The following IL18BP variants were observed in gnomAD, a reference collection of about 807,000 sequenced individuals.
IL18BP encodes interleukin 18 binding protein.
Under a neutral mutation model 19.9 loss-of-function variants are expected in IL18BP, and 23 were observed. That is an observed-to-expected ratio of 1.15 (90% CI 0.83 to 1.64). The LOEUF is 1.64. IL18BP is among the 40% of genes most tolerant of loss of function. IL18BP has a pLI of 0.00. For missense variants in IL18BP, 239 were observed against 240.7 expected, an observed-to-expected ratio of 0.99 and a Z score of 0.05; for synonymous variants, 107 against 101.0, an observed-to-expected ratio of 1.06 and a Z score of -0.35.
chr11:72,005,512 A>T, downstream of IL18BP: 1 of 720,062 alleles, frequency 1.4e-6, no homozygotes, highest in Non-Finnish European at 2.3e-6. Flanking sequence ...CCGCAGGTGC[A>T]GGAGTACGGC....
Position 72,002,461 on chromosome 11 carries a change from CTGCTT to C in IL18BP, c.*601_*605del. 1 of 154,590 alleles carries C rather than the reference CTGCTT, an allele frequency of 6.5e-6. No individual in the cohort carries two copies. Among genetic ancestry groups the C allele is most frequent in the Admixed American group, 6.4e-5 (1 of 15,704 alleles). The allele number at this position is 154,590 out of a possible 1,614,324, so 9.6% of individuals were successfully genotyped here. A position where few individuals can be genotyped will look rare whatever the true frequency, so the allele number is the denominator to read the frequency against. ...TCCAGGGAAGGGATGGGGGCAGCAG[CTGCTT>C]CGGATCCACACTGTATCTGTGTCAT... On this transcript the variant is annotated 3_prime_UTR_variant, in exon 6 of 6. Transcript: ENST00000393703.
At chr11:72,007,824 G>A (rs1329796729), downstream of IL18BP, 5 of 352,628 alleles carry the variant, frequency 1.4e-5, no homozygotes, top group South Asian at 2.4e-5. Flanking sequence ...ATCCAATGTC[G>A]TCCTGCTTGG....
At chr11:72,004,062 T>C (rs1955482735), downstream of IL18BP, 3 of 1,613,534 alleles carry the variant, frequency 1.9e-6, no homozygotes, top group East Asian at 2.2e-5. Context: ...CTTGGGTGTG[T>C]TGAGGATGCT....
chr11:72,000,149 G>A, intron 2 of IL18BP, 137 bp downstream of exon 2: 1 of 984,256 alleles, frequency 1.0e-6, no homozygotes, highest in Non-Finnish European at 1.6e-6. Context: ...AAGAACCTGG[G>A]CAGATATTGT....
At chr11:72,006,434 C>T (rs938954694), downstream of IL18BP, among the ~76,000 whole-genome samples, 19 of 152,208 alleles carry the variant, frequency 1.2e-4, no homozygotes, top group African/African-American at 4.6e-4. Context: ...GACAGAAGCC[C>T]TCACAAGGTG....
downstream of IL18BP, chr11:72,007,410 C>A (rs1366155202): frequency 6.2e-7 from 1 of 1,613,686 alleles, no homozygotes; most frequent in East Asian, 2.2e-5. Flanking sequence ...ACGCTGGTGC[C>A]GTCTGGCTGG....
downstream of IL18BP, chr11:72,006,213 C>T (rs1955680535): frequency 2.5e-6 from 4 of 1,614,158 alleles, no homozygotes; most frequent in Non-Finnish European, 3.4e-6. Context: ...GAGCAGACCG[C>T]GTGCTGTAGA....
downstream of IL18BP, chr11:72,007,151 G>T (rs760309329): frequency 2.5e-6 from 4 of 1,598,346 alleles, no homozygotes; most frequent in South Asian, 3.3e-5. Context: ...GAGGAAGTGG[G>T]AATTGCTGCC....
chr11:72,004,770 C>A, downstream of IL18BP: 1 of 1,600,048 alleles, frequency 6.2e-7, no homozygotes, highest in South Asian at 1.1e-5. Flanking sequence ...TTGGGGGTCT[C>A]CAGTTTTCAT....
Position 72,000,020 on chromosome 11 carries a change from T to G in IL18BP, c.28+8T>G. On this transcript the variant is annotated splice_region_variant and intron_variant, in intron 2 of 5. Coordinates refer to ENST00000393703, the MANE Select transcript of IL18BP (RefSeq NM_001039660.2). ...GACACAACTGGACACCAGGTAGGCC[T>G]TGGGGCTACGCATGGGCAGGCGGGG... 6.2e-7 allele frequency: 1 copy of G among 1,613,740 alleles called. No homozygotes were observed. The highest frequency in any genetic ancestry group is 1.1e-5 in the South Asian group (1 of 91,062).
downstream of IL18BP, chr11:72,007,052 AAGACCTCTC>A: frequency 6.7e-6 from 7 of 1,046,818 alleles, no homozygotes; most frequent in Non-Finnish European, 9.6e-6. Context: ...TGCCCTTTTT[AAGACCTCTC>A]AGCTTTCCCA....
Position 72,001,255 on chromosome 11 carries a change from TC to T in IL18BP, c.292del (p.Leu98SerfsTer42). 6.2e-7 allele frequency: 1 copy of T among 1,614,180 alleles called. No individual in the cohort carries two copies. On this transcript the variant is annotated frameshift_variant, in exon 4 of 6. Coordinates refer to ENST00000393703, the MANE Select transcript of IL18BP (RefSeq NM_001039660.2). LOFTEE classifies it high-confidence loss of function. ...VACSRFPNFS[I>X]LYWLGNGSFI... ...TGCAGCCGCTTCCCCAACTTCAGCA[TC>T]CTCTACTGGCTGGGCAATGGTTCCT...
rs1210589415 is a variant in IL18BP, at chr11:72,001,913, A to G, written c.*52A>G. ...CAACCTTGACCAGAGCTTGGGTCCT[A>G]CCTGTCTACCTGGAGTGAACAGTCC... On this transcript the variant is annotated 3_prime_UTR_variant, in exon 6 of 6. Transcript: ENST00000393703. 1 of 1,610,176 alleles carries G rather than the reference A, an allele frequency of 6.2e-7. No homozygotes were observed. Among genetic ancestry groups the G allele is most frequent in the Non-Finnish European group, 8.5e-7 (1 of 1,178,096 alleles).
downstream of IL18BP, chr11:72,002,841 C>G (rs142149472): frequency 1.8e-3 from 365 of 204,076 alleles, 3 homozygotes; most frequent in East Asian, 5.5e-3. Flanking sequence ...CTTTTTCCCA[C>G]ACCGATCAAG....
intron 1 of IL18BP, 187 bp downstream of exon 1, chr11:71,999,206 G>T: frequency 2.0e-6 from 1 of 497,974 alleles, no homozygotes; most frequent in Non-Finnish European, 4.0e-6. Flanking sequence ...AGCCTGAAGT[G>T]GTCCAACTTG....
intron 3 of IL18BP, 134 bp downstream of exon 3, chr11:72,000,691 C>T: frequency 1.4e-6 from 1 of 707,830 alleles, no homozygotes. Context: ...ACCATTCTCC[C>T]TCCCCAACCC....
chr11:72,001,709 G>A (rs1190678765), intron 5 of IL18BP, 75 bp from the exon 6 acceptor site: 22 of 1,612,932 alleles, frequency 1.4e-5, no homozygotes, highest in Admixed American at 1.0e-4. Context: ...GGGCAGAGGA[G>A]GTGTAGCCTG....
At position 72,001,314 on chromosome 11, in the gene IL18BP, G is replaced by T. The variant is rs766995338; in HGVS notation, c.349G>T (p.Gly117Trp). 2 of 1,614,216 alleles carry T rather than the reference G, an allele frequency of 1.2e-6. No homozygotes were observed. The highest frequency in any genetic ancestry group is 1.7e-5 in the Admixed American group (1 of 60,034). The change falls in exon 4 of 6, where the codon GGG becomes TGG. Residue 117 changes from glycine (G) to tryptophan (W), a missense_variant. By Grantham distance (184) the Gly-to-Trp change is radical. Transcript: ENST00000393703. ...IEHLPGRLWE[G>W]STSRERGSTG... is the part of the protein sequence containing the mutation. ...GCACCTCCCAGGCCGACTGTGGGAG[G>T]GGAGCACCAGGTGAGGGTCGCAGCA...
downstream of IL18BP, chr11:72,004,103 CAAGG>C (rs1225503150): frequency 6.2e-7 from 1 of 1,613,184 alleles, no homozygotes; most frequent in Non-Finnish European, 8.5e-7. Flanking sequence ...GGTCAGCCTG[CAAGG>C]AAGGGCTGTC....
Sources: allele counts gnomAD v4.1 joint callset (sites outside exome capture counted in the v4.1 genomes callset), GRCh38; gene constraint gnomAD v4.1.1; transcripts MANE v1.5; gene names NCBI Gene and HGNC (gene_info 2026-07-23, HGNC 2026-07-21).